The following LRRC53 variants were observed in gnomAD, a reference collection of about 807,000 sequenced individuals.
LRRC53 encodes the protein leucine rich repeat containing 53.
Under a neutral mutation model 13.6 loss-of-function variants are expected in LRRC53, and 25 were observed. The observed-to-expected ratio is 1.83, with a 90% CI of 1.34 to 2.56. The LOEUF (loss-of-function observed/expected upper bound fraction) is 2.56. LRRC53 is among the 30% of genes most tolerant of loss of function. The pLI, the probability that LRRC53 is intolerant of heterozygous loss-of-function variation, is 0.00. For synonymous variants in LRRC53, 204 were observed against 109.8 expected (o/e 1.86, Z -5.37); for missense variants, 527 against 275.8 (o/e 1.91, Z -6.45).
At chr1:74,492,285 A>G in intron 1 of LRRC53, 1 of 1,475,940 alleles carries the variant, frequency 6.8e-7, no homozygotes, top group South Asian at 1.5e-5. Flanking sequence ...TAATATAAGC[A>G]AATCTCACAG....
chr1:74,513,289 T>C (rs926466792), upstream of LRRC53, among the ~76,000 whole-genome samples: 5 of 152,204 alleles, frequency 3.3e-5, no homozygotes, highest in Non-Finnish European at 7.3e-5. Context: ...ATTTACTGAG[T>C]CCCTGTCCTT....
rs1337895128 is a variant in LRRC53, at chr1:74,469,688, T to C, written c.*190A>G. 5.2e-6 allele frequency: 2 copies of C among 384,240 alleles called. No homozygotes were observed. The highest frequency in any genetic ancestry group is 9.2e-6 in the Non-Finnish European group (2 of 216,946). 23.8% of individuals were successfully genotyped at this position (384,240 alleles called of 1,614,324 possible). The stretch of plus-strand genomic sequence containing the variant: ...TCAGTTAATTGTGTCAGACGTATCC[T>C]ATGACTCCATCTTTGATTTTTGTCA... On this transcript the variant is annotated 3_prime_UTR_variant, in exon 5 of 5. Coordinates refer to ENST00000294635, the MANE Select transcript of LRRC53 (RefSeq NM_001382280.1).
the LRRC53 span, among the ~76,000 whole-genome samples, chr1:74,527,572 CAG>C: frequency 2.6e-5 from 4 of 152,052 alleles, no homozygotes; most frequent in South Asian, 4.1e-4. Flanking sequence ...GGAGGGGAGA[CAG>C]GGCAGACAGG....
chr1:74,484,174 A>G (rs966956724), intron 1 of LRRC53, among the ~76,000 whole-genome samples: 2 of 151,360 alleles, frequency 1.3e-5, no homozygotes, highest in African/African-American at 2.4e-5. Flanking sequence ...TTTATGTTCA[A>G]AAAAGACAAT....
At chr1:74,529,872 AC>A in the LRRC53 span, among the ~76,000 whole-genome samples, 426 of 152,270 alleles carry the variant, frequency 2.8e-3, 3 homozygotes, top group African/African-American at 9.6e-3. Flanking sequence ...CCCCTTGTGA[AC>A]CAGGGCTTGT....
chr1:74,483,242 A>T lies in LRRC53; in HGVS notation c.88+20T>A, dbSNP rs1164460603. The T allele has an allele frequency of 1.4e-6, 1 of 716,496 alleles. No homozygotes were observed. The allele number at this position is 716,496 out of a possible 1,614,324, so 44.4% of individuals were successfully genotyped here. A position where few individuals can be genotyped will look rare whatever the true frequency, so the allele number is the denominator to read the frequency against. ...CCAGGTACACTGAGCACTGCTTTTT[A>T]GAGTTATTAGTTTTATTACCTACTA... On this transcript the variant is annotated intron_variant, in intron 2 of 4. Transcript: ENST00000294635.
intron 1 of LRRC53, among the ~76,000 whole-genome samples, chr1:74,487,270 A>T (rs1181288151): frequency 6.6e-6 from 1 of 152,190 alleles, no homozygotes; most frequent in East Asian, 1.9e-4. Context: ...TGGCCTGAGA[A>T]TCAGGCAAAT....
chr1:74,484,880 C>A (rs750728338), intron 1 of LRRC53, among the ~76,000 whole-genome samples: 14 of 152,102 alleles, frequency 9.2e-5, no homozygotes, highest in Non-Finnish European at 2.1e-4. Context: ...GAGTTGGGAA[C>A]TACTTTTAGA....
At chr1:74,485,356 T>C (rs1668701072) in intron 1 of LRRC53, among the ~76,000 whole-genome samples, 1 of 152,342 alleles carries the variant, frequency 6.6e-6, no homozygotes, top group East Asian at 1.9e-4. Context: ...TCATTTATTT[T>C]AGTCCTACCT....
At chr1:74,534,558 G>T in the LRRC53 span, among the ~76,000 whole-genome samples, 5 of 152,104 alleles carry the variant, frequency 3.3e-5, no homozygotes, top group East Asian at 9.6e-4. Flanking sequence ...GACACTGCCT[G>T]GTCCCACCAC....
upstream of LRRC53, among the ~76,000 whole-genome samples, chr1:74,517,110 G>A (rs554359039): frequency 7.9e-5 from 12 of 152,174 alleles, no homozygotes; most frequent in East Asian, 2.3e-3. Context: ...GGTAGATGCT[G>A]TTCATTATTA....
intron 1 of LRRC53, among the ~76,000 whole-genome samples, chr1:74,499,731 T>C (rs1487625697): frequency 1.3e-5 from 2 of 152,132 alleles, no homozygotes; most frequent in Non-Finnish European, 2.9e-5. Flanking sequence ...TATAGGTCAA[T>C]ATGAAAAGAT....
intron 1 of LRRC53, among the ~76,000 whole-genome samples, chr1:74,490,072 A>C (rs1407487460): frequency 6.6e-5 from 10 of 151,402 alleles, no homozygotes; most frequent in Admixed American, 1.3e-4. Context: ...AAAAAAAAAA[A>C]AAAACTCAAC....
intron 1 of LRRC53, among the ~76,000 whole-genome samples, chr1:74,501,225 C>T (rs1669608075): frequency 6.6e-6 from 1 of 152,172 alleles, no homozygotes; most frequent in Middle Eastern, 3.2e-3. Flanking sequence ...TTCCAATTCA[C>T]TTATTCTCTC....
chr1:74,520,150 C>T, the LRRC53 span, among the ~76,000 whole-genome samples: 1 of 17,342 alleles, frequency 5.8e-5, no homozygotes, highest in East Asian at 9.4e-4. Context: ...ATCCCATACC[C>T]CCTTTCCACC....
intron 3 of LRRC53, among the ~76,000 whole-genome samples, chr1:74,478,180 A>G (rs1396662206): frequency 6.6e-6 from 1 of 152,194 alleles, no homozygotes; most frequent in Non-Finnish European, 1.5e-5. Context: ...TGGAATCTTA[A>G]TGGAGCAAAT....
Position 74,472,823 on chromosome 1 carries a change from A to T in LRRC53, c.1421-622T>A, listed in dbSNP as rs1056962849. On this transcript the variant is annotated intron_variant, in intron 4 of 4. Coordinates refer to ENST00000294635, the MANE Select transcript of LRRC53 (RefSeq NM_001382280.1). ...GCAGTCTTTACCTGGGACTTTTAAAATGGTACAGATTAATATAATATTTAA... is the reference window on the plus strand; with the variant it reads ...GCAGTCTTTACCTGGGACTTTTAAATTGGTACAGATTAATATAATATTTAA... Among the ~76,000 whole-genome samples, 8 of 152,154 alleles carry T rather than the reference A, an allele frequency of 5.3e-5. No homozygotes were observed. The South Asian group carries it at 8.3e-4, about 16-fold the overall frequency.
intron 2 of LRRC53, among the ~76,000 whole-genome samples, chr1:74,481,550 A>G (rs1381572404): frequency 1.3e-5 from 2 of 152,222 alleles, no homozygotes; most frequent in Non-Finnish European, 2.9e-5. Context: ...TTCAATCCAG[A>G]CAACCCAAGT....
chr1:74,469,820 G>T lies in LRRC53; in HGVS notation c.*58C>A. On this transcript the variant is annotated 3_prime_UTR_variant, in exon 5 of 5. Transcript: ENST00000294635. ...TGCATGCAAAGGCTAGTGGGTGTTT[G>T]TCCTCTTGAAGAAAGCTAAAGTAGA... 1 of 399,714 alleles carries T rather than the reference G, an allele frequency of 2.5e-6. No homozygotes were observed. Among genetic ancestry groups the T allele is most frequent in the Admixed American group, 4.4e-5 (1 of 22,734 alleles). The allele number at this position is 399,714 out of a possible 1,614,324, so 24.8% of individuals were successfully genotyped here.
Sources: gnomAD v4.1 joint callset for allele counts (sites outside exome capture counted in the v4.1 genomes callset) on GRCh38, gnomAD v4.1.1 for gene constraint, MANE v1.5 for transcripts, NCBI Gene and HGNC (gene_info 2026-07-23, HGNC 2026-07-21) for gene names.